The following SMOX variants were observed in gnomAD, a reference collection of about 807,000 sequenced individuals.
SMOX encodes the protein flavin containing amine oxidase.
In SMOX, 22 loss-of-function variants were observed where a neutral mutation model predicts 51.0. The observed-to-expected ratio is 0.43, with a 90% CI of 0.31 to 0.62. The LOEUF (loss-of-function observed/expected upper bound fraction) is 0.62, where lower values mean the gene tolerates loss of function less well. Among genes scored for constraint, SMOX ranks in the 20% least tolerant of loss-of-function variants. The pLI is 0.10. For synonymous variants in SMOX, 282 were observed against 307.8 expected (o/e 0.92, Z 0.88); for missense variants, 566 against 777.7 (o/e 0.73, Z 3.24).
rs1014291289 is a variant in SMOX, at chr20:4,177,872, C to T, written c.435+295C>T. 2.0e-5 allele frequency among the ~76,000 whole-genome samples: 3 copies of T among 152,018 alleles called. No homozygotes were observed. Among genetic ancestry groups the T allele is most frequent in the Admixed American group, 6.6e-5 (1 of 15,266 alleles). The stretch of plus-strand genomic sequence containing the variant: ...TCTACACAAAAAATGAGAATTTTGT[C>T]TTTTTTTCCTTTCTAGTCATTAGAC... On this transcript the variant is annotated intron_variant, in intron 3 of 6. Coordinates refer to ENST00000305958, the MANE Select transcript of SMOX (RefSeq NM_175839.3). The surrounding 1 kb of genome is among the most constrained non-coding windows in gnomAD (Gnocchi z 4.3).
intron 1 of SMOX, among the ~76,000 whole-genome samples, chr20:4,174,020 C>T (rs1432528271): frequency 6.6e-6 from 1 of 152,256 alleles, no homozygotes; most frequent in Admixed American, 6.5e-5. Context: ...GCCATGGGTC[C>T]TCTTGGTCCA....
At position 4,181,610 on chromosome 20, in the gene SMOX, G is replaced by C. The variant is rs1186242857; in HGVS notation, c.436-193G>C. On this transcript the variant is annotated intron_variant, in intron 3 of 6. Coordinates refer to ENST00000305958, the MANE Select transcript of SMOX (RefSeq NM_175839.3). The surrounding 1 kb of genome is among the most constrained non-coding windows in gnomAD (Gnocchi z 5.6). The stretch of plus-strand genomic sequence containing the variant: ...ATCCCACCTCCCCGACAGGCCGGAG[G>C]CGAGGAGGTGGCTGCCCGGGGCCTT... Among the ~76,000 whole-genome samples the C allele has an allele frequency of 6.6e-6, 1 of 152,188 alleles. No homozygotes were observed. Among genetic ancestry groups the C allele is most frequent in the Non-Finnish European group, 1.5e-5 (1 of 68,034 alleles).
chr20:4,168,619 C>A (rs971372678), intron 1 of SMOX, among the ~76,000 whole-genome samples: 1 of 150,948 alleles, frequency 6.6e-6, no homozygotes, highest in South Asian at 2.1e-4. Flanking sequence ...TGCAGTGGCG[C>A]GATCTCGACT....
intron 2 of SMOX, chr20:4,176,166 G>T (rs1978837816): frequency 6.6e-6 from 1 of 152,042 alleles, no homozygotes; most frequent in African/African-American, 2.4e-5. Flanking sequence ...GATTACAGGT[G>T]TGTGCCACCA....
In SMOX at chr20:4,183,551, C is replaced by A. The variant is rs6037782; in HGVS notation, c.1427C>A (p.Pro476His). The A allele has an allele frequency of 6.1e-5, 98 of 1,613,994 alleles. No individual in the cohort carries two copies. The Middle Eastern group carries it at 1.3e-3, about 22-fold the overall frequency. Residue 476 changes from proline to histidine, a missense_variant, in exon 6 of 7, where the codon CCT becomes CAT. This residue lies in a region of SMOX where 347 missense variants were observed against 481.8 expected (regional missense o/e 0.72). Transcript: ENST00000305958. This position sits in a 1 kb window ranked among gnomAD's most constrained non-coding sequence, Gnocchi z 4.3. Reference sequence around the variant, plus strand: ...TTGCGCTCGGCCTGGGGCAGCAACCCTTACTTCCGCGGCTCCTATTCATAC... The same window carrying A: ...TTGCGCTCGGCCTGGGGCAGCAACCATTACTTCCGCGGCTCCTATTCATAC... ...RILRSAWGSN[P>H]YFRGSYSYTQ...
intron 1 of SMOX, among the ~76,000 whole-genome samples, chr20:4,161,400 C>T (rs1986311504): frequency 6.6e-6 from 1 of 152,222 alleles, no homozygotes; most frequent in Non-Finnish European, 1.5e-5. Context: ...AATCAGACCC[C>T]TGGGCTGACC....
rs1041898895 is a variant in SMOX at position 4,158,192 on chromosome 20, G to A, written c.-27+9215G>A. Among the ~76,000 whole-genome samples, 4 of 152,176 alleles carry A rather than the reference G, an allele frequency of 2.6e-5. No individual in the cohort carries two copies. In the East Asian group the frequency reaches 5.8e-4, roughly 22 times the overall value. On this transcript the variant is annotated intron_variant, in intron 1 of 6. Transcript: ENST00000305958. ...TGGGATGACAGGTGTGAGCCACAGCGCCGGTCGGGGTGTGGTATTTTAAAT... is the reference window on the plus strand; with the variant it reads ...TGGGATGACAGGTGTGAGCCACAGCACCGGTCGGGGTGTGGTATTTTAAAT...
rs1484045087 is a variant in SMOX at position 4,172,738 on chromosome 20, G to T, written c.-26-2292G>T. On this transcript the variant is annotated intron_variant, in intron 1 of 6. Transcript: ENST00000305958. The surrounding 1 kb of genome is among the most constrained non-coding windows in gnomAD (Gnocchi z 7.7). ...ACCGGCCCTTTTGGGAACCGATTCT[G>T]CACGGAGTTGGCGGGCCTGGGTCTC... Among the ~76,000 whole-genome samples the T allele has an allele frequency of 6.6e-6, 1 of 151,080 alleles. No individual in the cohort carries two copies. The highest frequency in any genetic ancestry group is 2.4e-5 in the African/African-American group (1 of 41,002).
Position 4,177,234 on chromosome 20 carries a change from T to A in SMOX, c.209-117T>A, listed in dbSNP as rs1447459168. On this transcript the variant is annotated intron_variant, in intron 2 of 6. Transcript: ENST00000305958. This position sits in a 1 kb window ranked among gnomAD's most constrained non-coding sequence, Gnocchi z 4.3. Reference sequence around the variant, plus strand: ...GGTTGCCAGCAGTGGAAGTTCAAGCTCTTTCCTGCCCTGTTGTAGGGTGGA... The same window carrying A: ...GGTTGCCAGCAGTGGAAGTTCAAGCACTTTCCTGCCCTGTTGTAGGGTGGA... The A allele has an allele frequency of 2.2e-6, 2 of 909,554 alleles. No individual in the cohort carries two copies. The highest frequency in any genetic ancestry group is 3.3e-6 in the Non-Finnish European group (2 of 605,682). 56.3% of individuals were successfully genotyped at this position (909,554 alleles called of 1,614,324 possible). A position where few individuals can be genotyped will look rare whatever the true frequency, so the allele number is the denominator to read the frequency against.
rs374643123 is a variant in SMOX at position 4,183,660 on chromosome 20, C to G, written c.1530+6C>G. 1 of 1,559,374 alleles carries G rather than the reference C, an allele frequency of 6.4e-7. No individual in the cohort carries two copies. The highest frequency in any genetic ancestry group is 1.2e-5 in the South Asian group (1 of 81,006). ...CAGAGAGCTCAAAGACAGCGGTAAGCGGGGCGTTTGGGGTGAGGAGGGGAG... is the reference window on the plus strand; with the variant it reads ...CAGAGAGCTCAAAGACAGCGGTAAGGGGGGCGTTTGGGGTGAGGAGGGGAG... On this transcript the variant is annotated splice_donor_region_variant and intron_variant, in intron 6 of 6. Coordinates refer to ENST00000305958, the MANE Select transcript of SMOX (RefSeq NM_175839.3). This position sits in a 1 kb window ranked among gnomAD's most constrained non-coding sequence, Gnocchi z 4.3.
intron 1 of SMOX, among the ~76,000 whole-genome samples, chr20:4,169,472 G>T (rs967058550): frequency 1.3e-5 from 2 of 152,170 alleles, no homozygotes; most frequent in Non-Finnish European, 2.9e-5. Flanking sequence ...GTTAAAGAAA[G>T]GGCACTGCAC....
intron 3 of SMOX, among the ~76,000 whole-genome samples, chr20:4,178,016 C>T (rs956222915): frequency 1.3e-5 from 2 of 152,072 alleles, no homozygotes; most frequent in African/African-American, 2.4e-5. Context: ...CAAGTAAAAC[C>T]GAGGAACTGA....
At chr20:4,158,678 G>T (rs1986153677) in intron 1 of SMOX, among the ~76,000 whole-genome samples, 1 of 152,048 alleles carries the variant, frequency 6.6e-6, no homozygotes, top group Admixed American at 6.5e-5. Context: ...CAGCCCCGGG[G>T]GCCTGAGTGA....
Position 4,149,215 on chromosome 20 carries a change from C to T in SMOX, c.-27+238C>T, listed in dbSNP as rs940616317. Among the ~76,000 whole-genome samples the T allele has an allele frequency of 1.9e-4, 28 of 150,196 alleles. No homozygotes were observed. Among genetic ancestry groups the T allele is most frequent in the African/African-American group, 6.8e-4 (28 of 41,194 alleles). On this transcript the variant is annotated intron_variant, in intron 1 of 6. Coordinates refer to ENST00000305958, the MANE Select transcript of SMOX (RefSeq NM_175839.3). This position sits in a 1 kb window ranked among gnomAD's most constrained non-coding sequence, Gnocchi z 6.0. ...CCCCCCTGGCTTCCGCCGGGGTAAG[C>T]AGTGGTGTGGGCCGGGGTGGCGGCG...
chr20:4,154,194 C>A (rs1390703402), intron 1 of SMOX, among the ~76,000 whole-genome samples: 1 of 152,090 alleles, frequency 6.6e-6, no homozygotes, highest in Non-Finnish European at 1.5e-5. Flanking sequence ...ATTCAGTAGA[C>A]CCTGGGGAGC....
intron 1 of SMOX, among the ~76,000 whole-genome samples, chr20:4,155,644 G>A (rs1031190094): frequency 1.6e-4 from 24 of 152,068 alleles, no homozygotes; most frequent in Non-Finnish European, 4.4e-5. Flanking sequence ...AAACTCACAT[G>A]CTAATGATGG....
At chr20:4,180,388 G>A (rs970944297) in intron 3 of SMOX, among the ~76,000 whole-genome samples, 1 of 152,212 alleles carries the variant, frequency 6.6e-6, no homozygotes, top group Non-Finnish European at 1.5e-5. Context: ...AGGGCTGGGG[G>A]ACAGGGCAGA....
At position 4,158,414 on chromosome 20, in the gene SMOX, G is replaced by A. The variant is rs755879865; in HGVS notation, c.-27+9437G>A. On this transcript the variant is annotated intron_variant, in intron 1 of 6. Coordinates refer to ENST00000305958, the MANE Select transcript of SMOX (RefSeq NM_175839.3). ...TAAATCTGGGGCTGGGAGGTTGGAGGATGAGGAAAAGCATCTGGATTCAGG... is the reference window on the plus strand; with the variant it reads ...TAAATCTGGGGCTGGGAGGTTGGAGAATGAGGAAAAGCATCTGGATTCAGG... 3.5e-4 allele frequency among the ~76,000 whole-genome samples: 54 copies of A among 152,166 alleles called. 1 individual carries two copies. Among genetic ancestry groups the A allele is most frequent in the Middle Eastern group, 3.2e-3 (1 of 316 alleles).
chr20:4,162,496 T>C (rs1448472503), intron 1 of SMOX, among the ~76,000 whole-genome samples: 2 of 152,348 alleles, frequency 1.3e-5, no homozygotes, highest in South Asian at 4.1e-4. Context: ...CCACCCCCTC[T>C]TCCACCCTCC....
Sources: gnomAD v4.1 joint callset for allele counts (sites outside exome capture counted in the v4.1 genomes callset) on GRCh38, gnomAD v4.1.1 for gene constraint, gnomAD v4.1.1 regional missense constraint, Gnocchi (gnomAD v3.1) non-coding constraint, MANE v1.5 for transcripts, NCBI Gene and HGNC (gene_info 2026-07-23, HGNC 2026-07-21) for gene names.